Variants in OBP2A observed in about 807,000 individuals in gnomAD.
OBP2A encodes the protein odorant-binding protein 2a.
In OBP2A, 15 loss-of-function variants were observed where a neutral mutation model predicts 21.9. That is an observed-to-expected ratio of 0.69 (90% CI 0.46 to 1.06). The LOEUF (loss-of-function observed/expected upper bound fraction) is 1.06, where lower values mean the gene tolerates loss of function less well. OBP2A is among the 50% of genes least tolerant of loss of function. OBP2A has a pLI of 0.00. For synonymous variants in OBP2A, 86 were observed against 91.8 expected (o/e 0.94, Z 0.36); for missense variants, 192 against 220.1 (o/e 0.87, Z 0.81).
At chr9:135,547,696 G>A (rs115511732) in intron 3 of OBP2A, among the ~76,000 whole-genome samples, 175 bp from the exon 4 acceptor site, 2,939 of 152,326 alleles carry the variant, frequency 0.019, 96 homozygotes, top group African/African-American at 0.067. Flanking sequence ...CCTTCCGAGA[G>A]GAGGCTCCTG....
In OBP2A at chr9:135,547,900, G is replaced by A. The variant is rs775504301; in HGVS notation, c.307G>A (p.Glu103Lys). The A allele has an allele frequency of 1.2e-6, 2 of 1,612,938 alleles. No homozygotes were observed. The highest frequency in any genetic ancestry group is 2.2e-5 in the East Asian group (1 of 44,882). The change falls in exon 4 of 7, where the codon GAG (glutamate) becomes AAG (lysine). Residue 103 changes from glutamate to lysine, a missense_variant. Transcript: ENST00000371776. ...YGGRKLIYLQ[E>K]LPGTDDYVFY... The stretch of plus-strand genomic sequence containing the variant: ...GGGCAGGAAGCTCATATACCTGCAG[G>A]AGCTGCCCGGGACGGACGACTACGT...
Position 135,546,922 on chromosome 9 carries a change from C to T in OBP2A, c.206+11C>T, listed in dbSNP as rs1332701138. On this transcript the variant is annotated intron_variant, in intron 2 of 6. Transcript: ENST00000371776. ...CACGTTCACCTTCATGTGAGTGTTG[C>T]CCACTGCAGGGCCCCTCAGGCCACT... 1 of 1,612,936 alleles carries T rather than the reference C, an allele frequency of 6.2e-7. No homozygotes were observed. Among genetic ancestry groups the T allele is most frequent in the African/African-American group, 1.3e-5 (1 of 74,900 alleles).
At position 135,548,708 on chromosome 9, in the gene OBP2A, G is replaced by C. The variant is rs55695858; in HGVS notation, c.389G>C (p.Gly130Ala). The C allele has an allele frequency of 0.25, 405,182 of 1,613,104 alleles. 53,121 individuals are homozygous for C. Among genetic ancestry groups the C allele is most frequent in the Non-Finnish European group, 0.27 (319,120 of 1,179,294 alleles). The change falls in exon 5 of 7, where the codon GGT becomes GCT. Residue 130 changes from glycine to alanine, a missense_variant and splice_region_variant. Coordinates refer to ENST00000371776, the MANE Select transcript of OBP2A (RefSeq NM_014582.3). ...GGLRYMGKLV[G>A]RNPNTNLEAL... ...GCTCACCTGGCCACCTCACCTGCAG[G>C]TAGGAATCCTAATACCAACCTGGAG...
At position 135,546,896 on chromosome 9, in the gene OBP2A, C is replaced by G. The variant is rs774242276; in HGVS notation, c.191C>G (p.Ala64Gly). Residue 64 changes from alanine to glycine, a missense_variant, in exon 2 of 7, where the codon GCC (alanine) becomes GGC (glycine). Coordinates refer to ENST00000371776, the MANE Select transcript of OBP2A (RefSeq NM_014582.3). ...VTALGGGNLE[A>G]TFTFMREDRC... ...GCCCTGGGCGGTGGGAACTTGGAAGCCACGTTCACCTTCATGTGAGTGTTG... is the reference window on the plus strand; with the variant it reads ...GCCCTGGGCGGTGGGAACTTGGAAGGCACGTTCACCTTCATGTGAGTGTTG... The G allele has an allele frequency of 1.4e-5, 23 of 1,613,648 alleles. 1 individual carries two copies. Among genetic ancestry groups the G allele is most frequent in the South Asian group, 1.1e-4 (10 of 91,068 alleles).
At chr9:135,547,342 G>C in intron 3 of OBP2A, 94 bp downstream of exon 3, 1 of 1,419,780 alleles carries the variant, frequency 7.0e-7, no homozygotes, top group Non-Finnish European at 9.8e-7. Flanking sequence ...ACTTCTGCCA[G>C]GGTCCCAGCC....
Position 135,547,168 on chromosome 9 carries a change from T to C in OBP2A, c.207-10T>C, listed in dbSNP as rs1311914596. 3 of 1,611,994 alleles carry C rather than the reference T, an allele frequency of 1.9e-6. No individual in the cohort carries two copies. Among genetic ancestry groups the C allele is most frequent in the East Asian group, 2.2e-5 (1 of 44,854 alleles). ...TGGGAGCCGCTGCCCGAGTGTCTCC[T>C]GTTTTCCAGGAGGGAGGATCGGTGC... On this transcript the variant is annotated splice_polypyrimidine_tract_variant and intron_variant, in intron 2 of 6. Coordinates refer to ENST00000371776, the MANE Select transcript of OBP2A (RefSeq NM_014582.3).
chr9:135,548,539 T>A lies in OBP2A; in HGVS notation c.389-169T>A, dbSNP rs1356788454. 7 of 894,912 alleles carry A rather than the reference T, an allele frequency of 7.8e-6. 1 individual carries two copies. Among genetic ancestry groups the A allele is most frequent in the Middle Eastern group, 6.8e-4 (2 of 2,944 alleles). The allele number at this position is 894,912 out of a possible 1,614,324, so 55.4% of individuals were successfully genotyped here. Reference sequence around the variant, plus strand: ...GCCTCCTCTCCCCCTTGCCTGGTGCTGGACAGTTGCCATCTCTTCTGTCCC... The same window carrying A: ...GCCTCCTCTCCCCCTTGCCTGGTGCAGGACAGTTGCCATCTCTTCTGTCCC... On this transcript the variant is annotated intron_variant, in intron 4 of 6. Coordinates refer to ENST00000371776, the MANE Select transcript of OBP2A (RefSeq NM_014582.3).
In OBP2A at chr9:135,547,173, T is replaced by C. The variant is rs770539533; in HGVS notation, c.207-5T>C. 3 of 1,611,924 alleles carry C rather than the reference T, an allele frequency of 1.9e-6. No homozygotes were observed. Among genetic ancestry groups the C allele is most frequent in the Non-Finnish European group, 2.5e-6 (3 of 1,179,794 alleles). On this transcript the variant is annotated splice_region_variant and splice_polypyrimidine_tract_variant and intron_variant, in intron 2 of 6. Coordinates refer to ENST00000371776, the MANE Select transcript of OBP2A (RefSeq NM_014582.3). ...GCCGCTGCCCGAGTGTCTCCTGTTT[T>C]CCAGGAGGGAGGATCGGTGCATCCA...
rs369370314 is a variant in OBP2A, at chr9:135,549,284, C to A, written c.491-24C>A. 157 of 1,506,244 alleles carry A rather than the reference C, an allele frequency of 1.0e-4. 19 individuals carry two copies. In the African/African-American group the frequency reaches 1.7e-3, roughly 17 times the overall value. The allele number at this position is 1,506,244 out of a possible 1,614,324, so 93.3% of individuals were successfully genotyped here. ...CCTGGTCTAGGGCGCCTTCTAATCC[C>A]TGGGTTTTTCTTGGTCTCTGCAGGA... On this transcript the variant is annotated intron_variant, in intron 5 of 6. Coordinates refer to ENST00000371776, the MANE Select transcript of OBP2A (RefSeq NM_014582.3).
intron 3 of OBP2A, 74 bp from the exon 4 acceptor site, chr9:135,547,797 G>A: frequency 8.6e-7 from 1 of 1,168,576 alleles, no homozygotes; most frequent in Non-Finnish European, 1.2e-6. Flanking sequence ...ATTCCTGAGT[G>A]TTTCTTCGTG....
intron 2 of OBP2A, 107 bp downstream of exon 2, chr9:135,547,018 C>A: frequency 6.3e-7 from 1 of 1,576,326 alleles, no homozygotes; most frequent in Non-Finnish European, 8.7e-7. Context: ...GAAGAGTCAC[C>A]CCCTGCCTTG....
Position 135,549,886 on chromosome 9 carries a change from G to C in OBP2A, c.*51G>C. Reference sequence around the variant, plus strand: ...AGCCCACCCTACCACCAGACACAGAGCCCGGACCACCTGGACCTACCCTCC... The same window carrying C: ...AGCCCACCCTACCACCAGACACAGACCCCGGACCACCTGGACCTACCCTCC... On this transcript the variant is annotated 3_prime_UTR_variant, in exon 7 of 7. Coordinates refer to ENST00000371776, the MANE Select transcript of OBP2A (RefSeq NM_014582.3). The C allele has an allele frequency of 6.5e-7, 1 of 1,548,762 alleles. No homozygotes were observed. Among genetic ancestry groups the C allele is most frequent in the Non-Finnish European group, 8.7e-7 (1 of 1,146,106 alleles).
chr9:135,547,123 A>C, intron 2 of OBP2A, 55 bp from the exon 3 acceptor site: 1 of 1,516,048 alleles, frequency 6.6e-7, no homozygotes, highest in Non-Finnish European at 9.2e-7. Flanking sequence ...AGGTGAGCTG[A>C]GGATGGGCCA....
Position 135,548,758 on chromosome 9 carries a change from G to A in OBP2A, c.439G>A (p.Val147Met). The A allele has an allele frequency of 6.2e-7, 1 of 1,614,070 alleles. No individual in the cohort carries two copies. The highest frequency in any genetic ancestry group is 1.7e-5 in the Admixed American group (1 of 60,018). Residue 147 changes from valine (V) to methionine (M), a missense_variant, in exon 5 of 7, where the codon GTG (valine) becomes ATG (methionine). Transcript: ENST00000371776. ...LEALEEFKKLVQHKGLSEEDI... is the reference protein window; with the variant it reads ...LEALEEFKKLMQHKGLSEEDI... Reference sequence around the variant, plus strand: ...GGCCCTGGAAGAATTTAAGAAATTGGTGCAGCACAAGGGACTCTCGGAGGA... The same window carrying A: ...GGCCCTGGAAGAATTTAAGAAATTGATGCAGCACAAGGGACTCTCGGAGGA...
chr9:135,548,435 T>C (rs77905083), intron 4 of OBP2A, among the ~76,000 whole-genome samples: 31,656 of 151,470 alleles, frequency 0.21, 3,623 homozygotes, highest in Non-Finnish European at 0.26. Flanking sequence ...CACTGTCCCC[T>C]TTCCTGGGGA....
Position 135,546,210 on chromosome 9 carries a change from C to A in OBP2A, c.30C>A (p.Leu10=). 1 of 1,516,442 alleles carries A rather than the reference C, an allele frequency of 6.6e-7. No homozygotes were observed. Among genetic ancestry groups the A allele is most frequent in the Non-Finnish European group, 9.0e-7 (1 of 1,109,302 alleles). The allele number at this position is 1,516,442 out of a possible 1,614,324, so 93.9% of individuals were successfully genotyped here. The change falls in exon 1 of 7, where the codon CTC becomes CTA. Residue 10 remains leucine, a synonymous_variant. Coordinates refer to ENST00000371776, the MANE Select transcript of OBP2A (RefSeq NM_014582.3). MKTLFLGVT[L]GLAAALSFTL... ...AGACCCTGTTCCTGGGTGTCACGCT[C>A]GGCCTGGCCGCTGCCCTGTCCTTCA... is the stretch of plus-strand genomic sequence containing the variant.
chr9:135,549,023 T>C (rs1056123808), intron 5 of OBP2A, among the ~76,000 whole-genome samples: 6 of 142,994 alleles, frequency 4.2e-5, no homozygotes, highest in African/African-American at 1.7e-4. Flanking sequence ...TGGGCTGCGA[T>C]GGGGTCTGGG....
intron 4 of OBP2A, 90 bp downstream of exon 4, chr9:135,548,071 G>A (rs1831999908): frequency 2.1e-6 from 2 of 940,120 alleles, no homozygotes; most frequent in East Asian, 5.3e-5. Flanking sequence ...CCTGGCACGG[G>A]GGGAAAAGGA....
chr9:135,547,877 G>C lies in OBP2A; in HGVS notation c.284G>C (p.Gly95Ala). 4 of 1,609,060 alleles carry C rather than the reference G, an allele frequency of 2.5e-6. No individual in the cohort carries two copies. Among genetic ancestry groups the C allele is most frequent in the Non-Finnish European group, 3.4e-6 (4 of 1,177,784 alleles). Reference protein sequence around the residue: ...EEPGKFSAYGGRKLIYLQELP... With the variant: ...EEPGKFSAYGARKLIYLQELP... ...TCTTCTCTGTCATCTACAGATGGGG[G>C]CAGGAAGCTCATATACCTGCAGGAG... Residue 95 changes from glycine (G) to alanine (A), a missense_variant, in exon 4 of 7, where the codon GGC becomes GCC. Physicochemically the swap from Gly to Ala is moderately conservative, Grantham distance 60. Transcript: ENST00000371776.
Sources: allele counts gnomAD v4.1 joint callset (sites outside exome capture counted in the v4.1 genomes callset), GRCh38; gene constraint gnomAD v4.1.1; transcripts MANE v1.5; gene names NCBI Gene and HGNC (gene_info 2026-07-23, HGNC 2026-07-21).